SPTBN5: variants seen among roughly 807,000 people sequenced by gnomAD.
SPTBN5 encodes spectrin beta chain, non-erythrocytic 5.
In SPTBN5, 513 loss-of-function variants were observed where a neutral mutation model predicts 477.6. The ratio of observed to expected loss-of-function variants is 1.07; its 90% CI spans 1.00 to 1.16. The LOEUF (loss-of-function observed/expected upper bound fraction) is 1.16, where lower values mean the gene tolerates loss of function less well. Ranked by LOEUF, SPTBN5 falls within the 50% of genes most tolerant of loss-of-function variation. The pLI is 0.00. For synonymous variants in SPTBN5, 2,169 were observed against 2,011.7 expected (o/e 1.08, Z -2.09); for missense variants, 5,062 against 4,731.8 (o/e 1.07, Z -2.05).
At chr15:41,861,312 G>C (rs780495315) in intron 46 of SPTBN5, 107 bp downstream of exon 46, 90 of 1,002,878 alleles carry the variant, frequency 9.0e-5, no homozygotes, top group Non-Finnish European at 1.4e-4. Flanking sequence ...AGATGGCCCC[G>C]AAGGGGAGGA....
At position 41,880,157 on chromosome 15, in the gene SPTBN5, T is replaced by TA. The variant is rs1567222852; in HGVS notation, c.2811+2dup. On this transcript the variant is annotated splice_region_variant and intron_variant, in intron 14 of 67. Coordinates refer to ENST00000320955, the MANE Select transcript of SPTBN5 (RefSeq NM_016642.4). The stretch of plus-strand genomic sequence containing the variant: ...AGGAGGTGCCAAGCTCCCAGGGCTG[T>TA]ACCTCATATTTGAGCTGCATGACCT... 6.3e-7 allele frequency: 1 copy of TA among 1,594,506 alleles called. No homozygotes were observed. The highest frequency in any genetic ancestry group is 1.1e-5 in the South Asian group (1 of 87,586).
chr15:41,877,738 A>C (rs1189155111), intron 17 of SPTBN5, among the ~76,000 whole-genome samples: 1 of 152,232 alleles, frequency 6.6e-6, no homozygotes, highest in Non-Finnish European at 1.5e-5. Context: ...TGTGAATTAG[A>C]GCAAGGCTCC....
rs777849226 is a variant in SPTBN5, at chr15:41,862,606, C to A, written c.7318G>T (p.Gly2440Cys). 11 of 1,558,998 alleles carry A rather than the reference C, an allele frequency of 7.1e-6. No individual in the cohort carries two copies. The highest frequency in any genetic ancestry group is 8.7e-6 in the Non-Finnish European group (10 of 1,152,698). The change falls in exon 43 of 68, where the codon GGC becomes TGC. Residue 2440 changes from glycine to cysteine, a missense_variant. By Grantham distance (159) the Gly-to-Cys change is radical. Coordinates refer to ENST00000320955, the MANE Select transcript of SPTBN5 (RefSeq NM_016642.4). ...ACCTCCTGCTGCCTGTGCCTGAGGC[C>A]GTGGGCTGCCTCGGGGCTTCTTTGG... ...LCQRSPEAAH[G>C]LRHRQQEVAE...
At chr15:41,860,380 G>A (rs79110234) in intron 47 of SPTBN5, among the ~76,000 whole-genome samples, 3,224 of 152,358 alleles carry the variant, frequency 0.021, 120 homozygotes, top group African/African-American at 0.074. Flanking sequence ...AAGGAAGTGG[G>A]ATTTTCCACG....
chr15:41,865,388 T>G (rs558477121), intron 39 of SPTBN5, among the ~76,000 whole-genome samples: 1 of 152,238 alleles, frequency 6.6e-6, no homozygotes, highest in Admixed American at 6.5e-5. Context: ...TGCAGAGAGG[T>G]CCCTGTGCCC....
Position 41,870,369 on chromosome 15 carries a change from T to G in SPTBN5, c.5563-16A>C. ...TGGCTTTCTCCTGAGGAAGGGAGAA[T>G]GCCGAGGAGATGAGGGATGGAGCGT... On this transcript the variant is annotated splice_polypyrimidine_tract_variant and intron_variant, in intron 30 of 67. Coordinates refer to ENST00000320955, the MANE Select transcript of SPTBN5 (RefSeq NM_016642.4). 2 of 1,588,946 alleles carry G rather than the reference T, an allele frequency of 1.3e-6. No homozygotes were observed. The highest frequency in any genetic ancestry group is 1.7e-6 in the Non-Finnish European group (2 of 1,167,834).
chr15:41,885,273 T>C (rs1340449521), intron 7 of SPTBN5, among the ~76,000 whole-genome samples: 1 of 152,142 alleles, frequency 6.6e-6, no homozygotes, highest in Non-Finnish European at 1.5e-5. Context: ...ATCCGCCTGC[T>C]ACGGCCTCCC....
intron 63 of SPTBN5, among the ~76,000 whole-genome samples, 199 bp downstream of exon 63, chr15:41,851,580 C>CGGGCGGG (rs2065763346): frequency 1.1e-4 from 1 of 9,208 alleles, no homozygotes. Context: ...CCAGCACCTC[C>CGGGCGGG]TGGTGGGGGT....
intron 63 of SPTBN5, 72 bp downstream of exon 63, chr15:41,851,707 A>C (rs1447433937): frequency 1.7e-6 from 2 of 1,161,102 alleles, no homozygotes; most frequent in East Asian, 2.3e-5. Context: ...CCAGGCCCAG[A>C]TGGCTCTTCG....
At chr15:41,882,232 G>GCCCCCCCCCCCCC in intron 11 of SPTBN5, 37 bp downstream of exon 11, 1 of 1,254,136 alleles carries the variant, frequency 8.0e-7, no homozygotes, top group Non-Finnish European at 1.1e-6. Flanking sequence ...GCCTCGCCGG[G>GCCCCCCCCCCCCC]CCCCGCCCCC....
Position 41,879,207 on chromosome 15 carries a change from C to T in SPTBN5, c.3182+53G>A, listed in dbSNP as rs551325997. ...CTTCCTCATTCCACTGCCCTGCCCA[C>T]GCCTTCCCATGGTCCTCACTGCCTC... On this transcript the variant is annotated intron_variant, in intron 16 of 67. Transcript: ENST00000320955. The T allele has an allele frequency of 2.1e-5, 33 of 1,565,134 alleles. 1 individual carries two copies. The East Asian group carries it at 3.4e-4, about 16-fold the overall frequency.
rs373572760 is a variant in SPTBN5, at chr15:41,876,141, G to A, written c.4095C>T (p.Thr1365=). 3.8e-5 allele frequency: 61 copies of A among 1,603,202 alleles called. 2 individuals carry two copies. The highest frequency in any genetic ancestry group is 1.6e-4 in the Middle Eastern group (1 of 6,076). The stretch of plus-strand genomic sequence containing the variant: ...GCTGCAGGGCCTCCACGTGTCTGCG[G>A]GTGGCGAGTAGCTCGCTCTCAGCTG... ...HEAAESELLA[T]RRHVEALQQV... The change falls in exon 21 of 68, where the codon ACC becomes ACT. Residue 1365 remains threonine (T), a synonymous_variant. Transcript: ENST00000320955.
rs752143933 is a variant in SPTBN5, at chr15:41,853,399, AGCCAGCTCCTCGGAGGAC to A, written c.10011_10028del (p.Ser3338_Ala3343del). 4.4e-6 allele frequency: 7 copies of A among 1,606,556 alleles called. No homozygotes were observed. The highest frequency in any genetic ancestry group is 1.7e-5 in the Admixed American group (1 of 59,730). ...GCTGCTCAGCCCCCGCCACGTCCTC[AGCCAGCTCCTCGGAGGAC>A]GCCAGCTCCTGCCTCTCCTGTGCCC... On this transcript the variant is annotated inframe_deletion, in exon 59 of 68. Transcript: ENST00000320955.
At chr15:41,879,153 C>T in intron 16 of SPTBN5, 107 bp downstream of exon 16, 1 of 1,369,618 alleles carries the variant, frequency 7.3e-7, no homozygotes, top group Non-Finnish European at 9.8e-7. Flanking sequence ...GCCCTCCTAC[C>T]TGTTGTCTCC....
intron 47 of SPTBN5, among the ~76,000 whole-genome samples, chr15:41,860,188 C>T (rs1044735208): frequency 6.6e-6 from 1 of 152,166 alleles, no homozygotes; most frequent in Non-Finnish European, 1.5e-5. Context: ...GCTCAGCTGC[C>T]GAGAGGAGGA....
In SPTBN5 at chr15:41,852,814, C is replaced by G. The variant is rs143291051; in HGVS notation, c.10347+10G>C. The G allele has an allele frequency of 3.7e-6, 6 of 1,609,750 alleles. No individual in the cohort carries two copies. Among genetic ancestry groups the G allele is most frequent in the Admixed American group, 3.3e-5 (2 of 59,820 alleles). ...CTGGTAGCCAGCTAAGGGGCAGGAC[C>G]CCCACTCACCCCATAGTCGGGCTTC... On this transcript the variant is annotated intron_variant, in intron 60 of 67. Coordinates refer to ENST00000320955, the MANE Select transcript of SPTBN5 (RefSeq NM_016642.4).
At chr15:41,877,410 T>G (rs1191059117) in intron 17 of SPTBN5, 54 bp from the exon 18 acceptor site, 1 of 1,568,182 alleles carries the variant, frequency 6.4e-7, no homozygotes, top group Non-Finnish European at 8.6e-7. Context: ...CTCGTCAGCC[T>G]CCTTCTCCTC....
rs770835859 is a variant in SPTBN5 at position 41,867,077 on chromosome 15, C to T, written c.6362G>A (p.Arg2121Gln). ...CTGCAGCAGGATGGGAAGCCGGTCC[C>T]GCACCCGGGGGCGCCGGAGCGTCTT... ...RLKTLRRPRV[R>Q]DRLPILLQRR... is the part of the protein sequence containing the mutation. Residue 2121 changes from arginine to glutamine, a missense_variant, in exon 36 of 68, where the codon CGG becomes CAG. Transcript: ENST00000320955. 32 of 1,547,612 alleles carry T rather than the reference C, an allele frequency of 2.1e-5. No homozygotes were observed. The highest frequency in any genetic ancestry group is 1.9e-4 in the South Asian group (16 of 84,090).
rs1351883175 is a variant in SPTBN5 at position 41,851,382 on chromosome 15, G to A, written c.10657-13C>T. 2.6e-6 allele frequency: 4 copies of A among 1,548,922 alleles called. No individual in the cohort carries two copies. Among genetic ancestry groups the A allele is most frequent in the East Asian group, 2.4e-5 (1 of 40,908 alleles). ...AGCTCGAGCTAGGCTGTGGAGAGGAGGCGGGAAGGTCGCATGAGCCACACG... is the reference window on the plus strand; with the variant it reads ...AGCTCGAGCTAGGCTGTGGAGAGGAAGCGGGAAGGTCGCATGAGCCACACG... On this transcript the variant is annotated splice_polypyrimidine_tract_variant and intron_variant, in intron 63 of 67. Coordinates refer to ENST00000320955, the MANE Select transcript of SPTBN5 (RefSeq NM_016642.4).
Sources: allele counts gnomAD v4.1 joint callset (sites outside exome capture counted in the v4.1 genomes callset), GRCh38; gene constraint gnomAD v4.1.1; transcripts MANE v1.5; gene names NCBI Gene and HGNC (gene_info 2026-07-23, HGNC 2026-07-21).